Variants in CLIP1 observed in about 807,000 individuals in gnomAD.
CLIP1 encodes the protein CAP-Gly domain-containing linker protein 1.
In CLIP1, 66 loss-of-function variants were observed where a neutral mutation model predicts 161.6. The observed-to-expected ratio is 0.41, with a 90% CI of 0.33 to 0.50. CLIP1 has a LOEUF of 0.50. Among genes scored for constraint, CLIP1 ranks in the 20% least tolerant of loss-of-function variants. The probability of loss-of-function intolerance (pLI) is 0.27; values close to 1 mark genes in which losing one functional copy is unlikely to be tolerated. For synonymous variants in CLIP1, 598 were observed against 626.2 expected (o/e 0.96, Z 0.67); for missense variants, 1,376 against 1,702.0 (o/e 0.81, Z 3.37).
At position 122,355,007 on chromosome 12, in the gene CLIP1, C is replaced by T; in HGVS notation, c.1203+108G>A. On this transcript the variant is annotated intron_variant, in intron 6 of 25. Coordinates refer to ENST00000620786, the MANE Select transcript of CLIP1 (RefSeq NM_001247997.2). The surrounding 1 kb of genome is among the most constrained non-coding windows in gnomAD (Gnocchi z 4.1). Reference sequence around the variant, plus strand: ...ACAGCAAAGAAATGTACACCCATTTCTTGTGCTCTCAAGTCTAGCTCCTCG... The same window carrying T: ...ACAGCAAAGAAATGTACACCCATTTTTTGTGCTCTCAAGTCTAGCTCCTCG... The T allele has an allele frequency of 1.1e-6, 1 of 945,596 alleles. No individual in the cohort carries two copies. Among genetic ancestry groups the T allele is most frequent in the Middle Eastern group, 2.2e-4 (1 of 4,520 alleles). The allele number at this position is 945,596 out of a possible 1,614,324, so 58.6% of individuals were successfully genotyped here.
At chr12:122,385,344 G>A (rs924760056) in intron 1 of CLIP1, among the ~76,000 whole-genome samples, 5 of 152,240 alleles carry the variant, frequency 3.3e-5, no homozygotes, top group Non-Finnish European at 7.4e-5. Flanking sequence ...AAGGAGTGAC[G>A]GCAACGGATG....
rs1955949243 is a variant in CLIP1 at position 122,288,461 on chromosome 12, C to T, written c.3647+28G>A. The T allele has an allele frequency of 1.3e-6, 2 of 1,583,092 alleles. No homozygotes were observed. The highest frequency in any genetic ancestry group is 1.7e-6 in the Non-Finnish European group (2 of 1,160,992). On this transcript the variant is annotated intron_variant, in intron 21 of 25. Coordinates refer to ENST00000620786, the MANE Select transcript of CLIP1 (RefSeq NM_001247997.2). ...GTTCTGACATCTTATTAAACACACACACATACAACAATAAACAGAAAGCTT... is the reference window on the plus strand; with the variant it reads ...GTTCTGACATCTTATTAAACACACATACATACAACAATAAACAGAAAGCTT...
intron 1 of CLIP1, among the ~76,000 whole-genome samples, chr12:122,411,646 T>G (rs190775933): frequency 2.6e-5 from 4 of 152,294 alleles, no homozygotes; most frequent in African/African-American, 4.8e-5. Context: ...AAGCCAGTCA[T>G]AATGTATGAT....
At position 122,306,888 on chromosome 12, in the gene CLIP1, G is replaced by A. The variant is rs116654771; in HGVS notation, c.3594+2874C>T. ...TTGAACAATAATCATGAAGTAAGCAGAAAAAAGTTTTATTCTCAGAATAGA... is the reference window on the plus strand; with the variant it reads ...TTGAACAATAATCATGAAGTAAGCAAAAAAAAGTTTTATTCTCAGAATAGA... On this transcript the variant is annotated intron_variant, in intron 20 of 25. Transcript: ENST00000620786. 4.9e-3 allele frequency among the ~76,000 whole-genome samples: 731 copies of A among 149,164 alleles called. 10 individuals are homozygous for A. The highest frequency in any genetic ancestry group is 0.017 in the African/African-American group (689 of 40,378).
At position 122,389,758 on chromosome 12, in the gene CLIP1, CA is replaced by C. The variant is rs57168188; in HGVS notation, c.-106-9201del. On this transcript the variant is annotated intron_variant, in intron 1 of 25. Coordinates refer to ENST00000620786, the MANE Select transcript of CLIP1 (RefSeq NM_001247997.2). ...AGGAGAGCAGAATGAGATCCTGTCT[CA>C]AAAAAAAAAAAAAAAAAAAAAAAAG... Among the ~76,000 whole-genome samples, 114 of 69,264 alleles carry C rather than the reference CA, an allele frequency of 1.6e-3. 1 individual carries two copies. The highest frequency in any genetic ancestry group is 6.6e-3 in the African/African-American group (108 of 16,278). 45.4% of individuals were successfully genotyped at this position (69,264 alleles called of 152,430 possible).
intron 10 of CLIP1, among the ~76,000 whole-genome samples, chr12:122,344,519 T>C (rs1459186153): frequency 6.6e-6 from 1 of 151,550 alleles, no homozygotes; most frequent in Non-Finnish European, 1.5e-5. Context: ...AATAGGGCAA[T>C]GGTTCTTAGT....
At chr12:122,377,279 A>ATT (rs2136783473) in intron 3 of CLIP1, 110 bp downstream of exon 3, 1 of 979,502 alleles carries the variant, frequency 1.0e-6, no homozygotes, top group East Asian at 2.4e-5. Context: ...AAGTGCTGGG[A>ATT]TTATAGGTGT....
chr12:122,296,892 G>A (rs1456455391), intron 20 of CLIP1, among the ~76,000 whole-genome samples: 2 of 150,816 alleles, frequency 1.3e-5, no homozygotes, highest in Non-Finnish European at 2.9e-5. Flanking sequence ...AACATGCAGG[G>A]CAAACAAGGT....
At chr12:122,310,253 G>T (rs140336897) in intron 19 of CLIP1, among the ~76,000 whole-genome samples, 1 of 152,084 alleles carries the variant, frequency 6.6e-6, no homozygotes, top group Non-Finnish European at 1.5e-5. Flanking sequence ...AACCCACTTC[G>T]TTGATAAAGT....
At chr12:122,301,106 G>A (rs1344650690) in intron 20 of CLIP1, among the ~76,000 whole-genome samples, 1 of 152,126 alleles carries the variant, frequency 6.6e-6, no homozygotes, top group Non-Finnish European at 1.5e-5. Context: ...GATTAAAGAT[G>A]ACTAAAGAGA....
At chr12:122,327,541 C>T (rs893142700) in intron 17 of CLIP1, among the ~76,000 whole-genome samples, 14 of 152,050 alleles carry the variant, frequency 9.2e-5, no homozygotes, top group African/African-American at 3.1e-4. Flanking sequence ...TGCTTGCTTA[C>T]TTCATGTGAC....
intron 1 of CLIP1, among the ~76,000 whole-genome samples, chr12:122,383,134 C>T (rs1367605952): frequency 6.6e-6 from 1 of 152,172 alleles, no homozygotes; most frequent in Non-Finnish European, 1.5e-5. Flanking sequence ...TTCCCTAGGG[C>T]CTTCCCTACT....
chr12:122,325,022 C>T (rs1951655840), intron 17 of CLIP1, among the ~76,000 whole-genome samples: 1 of 151,270 alleles, frequency 6.6e-6, no homozygotes, highest in African/African-American at 2.4e-5. Flanking sequence ...GTGTCTATAC[C>T]AGTGCTATCC....
chr12:122,401,930 G>A (rs1956156819), intron 1 of CLIP1, among the ~76,000 whole-genome samples: 1 of 152,054 alleles, frequency 6.6e-6, no homozygotes, highest in African/African-American at 2.4e-5. Flanking sequence ...CTGGGAGGTG[G>A]GGGTTGCAGT....
rs1479473216 is a variant in CLIP1, at chr12:122,397,853, G to C, written c.-106-17295C>G. Among the ~76,000 whole-genome samples the C allele has an allele frequency of 2.6e-5, 4 of 151,934 alleles. No homozygotes were observed. The South Asian group carries it at 6.2e-4, about 24-fold the overall frequency. ...GCCTGTAATCCCAGCTACTCAGTAG[G>C]CTGAGGCAGGATAATCGCTTGAAGC... On this transcript the variant is annotated intron_variant, in intron 1 of 25. Coordinates refer to ENST00000620786, the MANE Select transcript of CLIP1 (RefSeq NM_001247997.2).
chr12:122,385,892 A>G (rs1955235081), intron 1 of CLIP1, among the ~76,000 whole-genome samples: 1 of 152,204 alleles, frequency 6.6e-6, no homozygotes, highest in African/African-American at 2.4e-5. Flanking sequence ...CAAGGAGGGA[A>G]AGAGAATGCA....
intron 20 of CLIP1, among the ~76,000 whole-genome samples, 198 bp downstream of exon 20, chr12:122,309,564 A>G (rs1950992689): frequency 6.6e-6 from 1 of 152,130 alleles, no homozygotes; most frequent in African/African-American, 2.4e-5. Flanking sequence ...TTTTTAAAGG[A>G]CCTGTCAAAT....
intron 2 of CLIP1, among the ~76,000 whole-genome samples, chr12:122,379,316 A>C (rs1324490727): frequency 1.3e-5 from 2 of 151,402 alleles, no homozygotes; most frequent in African/African-American, 4.9e-5. Flanking sequence ...TCAAAAAAAA[A>C]AAAAAACAAA....
chr12:122,363,831 TG>T (rs1176738880), intron 4 of CLIP1, 151 bp downstream of exon 4: 1 of 953,502 alleles, frequency 1.0e-6, no homozygotes, highest in South Asian at 1.7e-5. Context: ...AATTTTAGTG[TG>T]GGGAAAAAAA....
Sources: gnomAD v4.1 joint callset for allele counts (sites outside exome capture counted in the v4.1 genomes callset) on GRCh38, gnomAD v4.1.1 for gene constraint, Gnocchi (gnomAD v3.1) non-coding constraint, MANE v1.5 for transcripts, NCBI Gene and HGNC (gene_info 2026-07-23, HGNC 2026-07-21) for gene names.